The following RILPL1 variants were observed in gnomAD, a reference collection of about 807,000 sequenced individuals.
The protein encoded by RILPL1 is RILP-like protein 1.
A neutral mutation model predicts 50.3 loss-of-function variants in RILPL1; 33 were observed. The observed-to-expected ratio is 0.66, with a 90% CI of 0.50 to 0.88. The LOEUF (loss-of-function observed/expected upper bound fraction) is 0.88. RILPL1 is among the 40% of genes least tolerant of loss of function. The pLI is 0.00. For missense variants in RILPL1, 418 were observed against 542.5 expected (o/e 0.77, Z 2.28); for synonymous variants, 205 against 228.6 (o/e 0.90, Z 0.93).
chr12:123,475,455 C>T lies in RILPL1; in HGVS notation c.1068-2773G>A. The T allele has an allele frequency of 5.2e-6, 3 of 572,464 alleles. No individual in the cohort carries two copies. In the Admixed American group the frequency reaches 9.0e-5, roughly 17 times the overall value. 35.5% of individuals were successfully genotyped at this position (572,464 alleles called of 1,614,324 possible). A position where few individuals can be genotyped will look rare whatever the true frequency, so the allele number is the denominator to read the frequency against. On this transcript the variant is annotated intron_variant, in intron 6 of 6. Transcript: ENST00000376874. Reference sequence around the variant, plus strand: ...ACAAAAAGAATTATCGGTGACAGAGCCGAGAATTCTGAGGCTTCGCTCGAG... The same window carrying T: ...ACAAAAAGAATTATCGGTGACAGAGTCGAGAATTCTGAGGCTTCGCTCGAG...
At position 123,532,169 on chromosome 12, in the gene RILPL1, C is replaced by A. The variant is rs201901043; in HGVS notation, c.309+1005G>T. ...ATCTGTATTTCCTGAGGCTGAACAG[C>A]AAGCTGGAGACTGCTCAGGCACCCT... is the stretch of plus-strand genomic sequence containing the variant. On this transcript the variant is annotated intron_variant, in intron 1 of 6. Transcript: ENST00000376874. Among the ~76,000 whole-genome samples the A allele has an allele frequency of 1.4e-3, 207 of 152,340 alleles. 1 individual carries two copies. Among genetic ancestry groups the A allele is most frequent in the African/African-American group, 4.8e-3 (200 of 41,588 alleles).
At chr12:123,501,575 C>T (rs1394878938) in intron 2 of RILPL1, among the ~76,000 whole-genome samples, 1 of 152,062 alleles carries the variant, frequency 6.6e-6, no homozygotes, top group East Asian at 1.9e-4. Flanking sequence ...TCCTGGCCAA[C>T]ACTGTGAAAC....
At chr12:123,527,005 A>G (rs895828027) in intron 1 of RILPL1, among the ~76,000 whole-genome samples, 1 of 152,210 alleles carries the variant, frequency 6.6e-6, no homozygotes, top group African/African-American at 2.4e-5. Context: ...GTTACCTTAC[A>G]TGGCAAAAGG....
At chr12:123,509,882 C>T (rs1883979715) in intron 2 of RILPL1, among the ~76,000 whole-genome samples, 1 of 152,238 alleles carries the variant, frequency 6.6e-6, no homozygotes, top group Admixed American at 6.5e-5. Context: ...ATAAGAAACA[C>T]TAGCTGGCCA....
At chr12:123,517,040 C>A (rs1411233732) in intron 2 of RILPL1, among the ~76,000 whole-genome samples, 1 of 152,078 alleles carries the variant, frequency 6.6e-6, no homozygotes, top group Admixed American at 6.5e-5. Flanking sequence ...TGCACTCCAG[C>A]CTGCGGGGCA....
At chr12:123,476,709 A>G (rs1379334398) in intron 6 of RILPL1, among the ~76,000 whole-genome samples, 3 of 152,000 alleles carry the variant, frequency 2.0e-5, no homozygotes, top group African/African-American at 7.3e-5. Flanking sequence ...GAAGGAGCTG[A>G]CCCTGCTGAC....
At chr12:123,503,193 T>C (rs1418559086) in intron 2 of RILPL1, among the ~76,000 whole-genome samples, 1 of 65,454 alleles carries the variant, frequency 1.5e-5, no homozygotes, top group Non-Finnish European at 3.2e-5. Flanking sequence ...GGCCTTTTTT[T>C]TTTTTTTTTT....
intron 6 of RILPL1, chr12:123,474,576 C>T (rs1173884825): frequency 6.6e-6 from 1 of 151,168 alleles, no homozygotes; most frequent in Non-Finnish European, 1.5e-5. Flanking sequence ...CTGGTGTCAA[C>T]CTCCTGACTT....
chr12:123,529,478 T>A (rs190625554), intron 1 of RILPL1, among the ~76,000 whole-genome samples: 1 of 152,212 alleles, frequency 6.6e-6, no homozygotes, highest in African/African-American at 2.4e-5. Flanking sequence ...GGTTTTGCCA[T>A]GTTGGCCAGG....
intron 1 of RILPL1, among the ~76,000 whole-genome samples, chr12:123,529,626 A>C (rs1238645171): frequency 6.6e-6 from 1 of 151,706 alleles, no homozygotes; most frequent in Non-Finnish European, 1.5e-5. Context: ...CAGTGGATCA[A>C]ACCTGTAGTC....
intron 2 of RILPL1, among the ~76,000 whole-genome samples, 157 bp from the exon 3 acceptor site, chr12:123,499,693 C>T (rs914700793): frequency 2.6e-5 from 4 of 152,098 alleles, no homozygotes; most frequent in Non-Finnish European, 5.9e-5. Flanking sequence ...TTCGCCCTCC[C>T]CGGTGCCTGC....
intron 1 of RILPL1, among the ~76,000 whole-genome samples, chr12:123,529,919 C>G (rs1333098612): frequency 6.6e-6 from 1 of 150,978 alleles, no homozygotes; most frequent in Non-Finnish European, 1.5e-5. Flanking sequence ...CTTCCTCATG[C>G]TAGAATAATT....
At chr12:123,500,124 G>A (rs1310269307) in intron 2 of RILPL1, among the ~76,000 whole-genome samples, 3 of 151,702 alleles carry the variant, frequency 2.0e-5, no homozygotes, top group Non-Finnish European at 2.9e-5. Flanking sequence ...TAGAGACGGG[G>A]TTTCACCGTG....
chr12:123,475,813 A>C, intron 6 of RILPL1: 2 of 997,728 alleles, frequency 2.0e-6, no homozygotes, highest in Non-Finnish European at 3.1e-6. Flanking sequence ...AAAAGAAACA[A>C]ACTCCACAGA....
chr12:123,487,094 C>T (rs571578443), intron 4 of RILPL1, among the ~76,000 whole-genome samples: 1 of 151,962 alleles, frequency 6.6e-6, no homozygotes, highest in East Asian at 2.0e-4. Context: ...CCACCGCACC[C>T]GGCTGAAAAC....
chr12:123,475,677 G>A (rs376691982), intron 6 of RILPL1: 35 of 1,590,264 alleles, frequency 2.2e-5, no homozygotes, highest in Middle Eastern at 1.7e-4. Context: ...GAAACAAGTC[G>A]TCGGACAGGC....
chr12:123,507,953 G>GAAAAAAAAAAAAAAAAAAAAAAAAA (rs56309765), intron 2 of RILPL1, among the ~76,000 whole-genome samples: 4 of 115,012 alleles, frequency 3.5e-5, no homozygotes, highest in Non-Finnish European at 3.5e-5. Context: ...AAAAAAAAAA[G>GAAAAAAAAAAAAAAAAAAAAAAAAA]AAAAAAAAAA....
intron 2 of RILPL1, among the ~76,000 whole-genome samples, chr12:123,516,391 A>C (rs1161175129): frequency 1.3e-5 from 2 of 152,226 alleles, no homozygotes; most frequent in Non-Finnish European, 2.9e-5. Context: ...CAGACTCCCC[A>C]GGGGCTAAGG....
In RILPL1 at chr12:123,532,244, C is replaced by G. The variant is rs187269542; in HGVS notation, c.309+930G>C. Among the ~76,000 whole-genome samples the G allele has an allele frequency of 4.9e-4, 75 of 152,332 alleles. No homozygotes were observed. In the East Asian group the frequency reaches 0.013, roughly 27 times the overall value. On this transcript the variant is annotated intron_variant, in intron 1 of 6. Transcript: ENST00000376874. ...TCCCATTCTCAGTCTGAAGGGGCTGCCAAGAGCATCCCTGGCTGAGGTTAG... is the reference window on the plus strand; with the variant it reads ...TCCCATTCTCAGTCTGAAGGGGCTGGCAAGAGCATCCCTGGCTGAGGTTAG...
Sources: allele counts gnomAD v4.1 joint callset (sites outside exome capture counted in the v4.1 genomes callset), GRCh38; gene constraint gnomAD v4.1.1; transcripts MANE v1.5; gene names NCBI Gene and HGNC (gene_info 2026-07-23, HGNC 2026-07-21).